The following ADGRL2 variants were observed in gnomAD, a reference collection of about 807,000 sequenced individuals.
ADGRL2 encodes the protein calcium-independent alpha-latrotoxin receptor 2.
Under a neutral mutation model 157.4 loss-of-function variants are expected in ADGRL2, and 44 were observed. The observed-to-expected ratio is 0.28, with a 90% CI of 0.22 to 0.36. The LOEUF (loss-of-function observed/expected upper bound fraction) is 0.36, where lower values mean the gene tolerates loss of function less well. ADGRL2 is among the 10% of genes least tolerant of loss of function. The probability of loss-of-function intolerance (pLI) is 1.00; values close to 1 mark genes in which losing one functional copy is unlikely to be tolerated. For synonymous variants in ADGRL2, 585 were observed against 624.7 expected, an observed-to-expected ratio of 0.94 and a Z score of 0.95; for missense variants, 1,510 against 1,768.9, an observed-to-expected ratio of 0.85 and a Z score of 2.63.
At chr1:81,449,166 G>C (rs137884309) in intron 2 of ADGRL2, among the ~76,000 whole-genome samples, 36 of 151,858 alleles carry the variant, frequency 2.4e-4, no homozygotes, top group African/African-American at 7.7e-4. Context: ...ATTATCCAGG[G>C]TCTGTGTAAT....
At chr1:81,799,963 G>A (rs1335413206), upstream of ADGRL2, among the ~76,000 whole-genome samples, 5 of 152,138 alleles carry the variant, frequency 3.3e-5, no homozygotes, top group African/African-American at 9.7e-5. Context: ...TTTCCAGCGT[G>A]ATTCGCCCTG....
rs1396532732 is a variant in ADGRL2 at position 81,947,170 on chromosome 1, G to C, written c.1211-3019G>C. 2.0e-5 allele frequency among the ~76,000 whole-genome samples: 3 copies of C among 152,076 alleles called. No individual in the cohort carries two copies. The East Asian group carries it at 5.8e-4, about 29-fold the overall frequency. Reference sequence around the variant, plus strand: ...ATAGAGCTCTATAAAAAAGGGTTTGGATTAGAGTCATAATTCTATTGTGAG... The same window carrying C: ...ATAGAGCTCTATAAAAAAGGGTTTGCATTAGAGTCATAATTCTATTGTGAG... On this transcript the variant is annotated intron_variant, in intron 6 of 23. Transcript: ENST00000686636.
At chr1:81,640,832 C>T (rs1181537810) in intron 3 of ADGRL2, among the ~76,000 whole-genome samples, 1 of 152,042 alleles carries the variant, frequency 6.6e-6, no homozygotes, top group African/African-American at 2.4e-5. Context: ...GCCGATTTCC[C>T]AGATAGGCCA....
At chr1:81,535,052 C>G (rs546281056) in intron 2 of ADGRL2, among the ~76,000 whole-genome samples, 15 of 152,272 alleles carry the variant, frequency 9.9e-5, no homozygotes, top group African/African-American at 3.6e-4. Flanking sequence ...TTTGGCATCT[C>G]TGGATGAGTC....
intron 1 of ADGRL2, among the ~76,000 whole-genome samples, chr1:81,821,698 C>T (rs1319851657): frequency 6.6e-6 from 1 of 152,096 alleles, no homozygotes; most frequent in Non-Finnish European, 1.5e-5. Context: ...AATGCCGGAA[C>T]AATTTCTTAT....
intron 1 of ADGRL2, among the ~76,000 whole-genome samples, chr1:81,441,415 TA>T (rs1418657065): frequency 6.6e-6 from 1 of 152,220 alleles, no homozygotes; most frequent in Non-Finnish European, 1.5e-5. Context: ...ACCTAATGTC[TA>T]ATATCCCCAT....
intron 1 of ADGRL2, among the ~76,000 whole-genome samples, chr1:81,816,693 C>T (rs35346051): frequency 0.16 from 25,045 of 151,796 alleles, 2,248 homozygotes; most frequent in East Asian, 0.26. Context: ...AAGATGTTTA[C>T]AGTACTTTCA....
chr1:81,322,180 A>G, intron 1 of ADGRL2, among the ~76,000 whole-genome samples: 1 of 149,786 alleles, frequency 6.7e-6, no homozygotes, highest in Middle Eastern at 3.5e-3. Flanking sequence ...ACATGTATAT[A>G]CATATACATA....
chr1:81,883,944 T>C (rs1444710060), intron 2 of ADGRL2, among the ~76,000 whole-genome samples: 1 of 151,996 alleles, frequency 6.6e-6, no homozygotes, highest in Non-Finnish European at 1.5e-5. Context: ...TATACTCAAG[T>C]GTTATGGATT....
intron 2 of ADGRL2, among the ~76,000 whole-genome samples, chr1:81,481,332 C>G (rs1285711800): frequency 6.6e-6 from 1 of 152,188 alleles, no homozygotes; most frequent in African/African-American, 2.4e-5. Flanking sequence ...ATGTTTCCCC[C>G]ACTTGGGTTA....
rs72715561 is a variant in ADGRL2, at chr1:81,473,793, T to C, written c.-248+28704T>C. Among the ~76,000 whole-genome samples, 186 of 152,060 alleles carry C rather than the reference T, an allele frequency of 1.2e-3. 1 individual carries two copies. Among genetic ancestry groups the C allele is most frequent in the Admixed American group, 2.8e-3 (43 of 15,274 alleles). The stretch of plus-strand genomic sequence containing the variant: ...GCAAGGGATGTGAGGTTTTTTTTTT[T>C]CCCACTTCAAGATAAACTTCAAAAG... On this transcript the variant is annotated intron_variant, in intron 2 of 24. Transcript: ENST00000370721.
At chr1:81,405,867 TATTTC>T (rs1395972345) in intron 1 of ADGRL2, among the ~76,000 whole-genome samples, 4 of 152,258 alleles carry the variant, frequency 2.6e-5, no homozygotes, top group Middle Eastern at 3.4e-3. Context: ...TTAAAAGGAA[TATTTC>T]ATTTCCTTTT....
chr1:81,425,270 G>A (rs1265030551), intron 1 of ADGRL2, among the ~76,000 whole-genome samples: 1 of 152,056 alleles, frequency 6.6e-6, no homozygotes, highest in African/African-American at 2.4e-5. Context: ...CCATGCATGT[G>A]TACACACACA....
chr1:81,434,326 T>A (rs2101635733), intron 1 of ADGRL2, among the ~76,000 whole-genome samples: 1 of 152,370 alleles, frequency 6.6e-6, no homozygotes, highest in East Asian at 1.9e-4. Context: ...AGTTACTTAT[T>A]ATTTTCTGGG....
chr1:81,492,055 A>C (rs1051503847), intron 2 of ADGRL2, among the ~76,000 whole-genome samples: 2 of 152,194 alleles, frequency 1.3e-5, no homozygotes, highest in African/African-American at 4.8e-5. Context: ...TTTTACATGA[A>C]AGGAAGAAAA....
chr1:81,702,732 A>T (rs1426467934), intron 1 of ADGRL2, among the ~76,000 whole-genome samples: 3 of 152,226 alleles, frequency 2.0e-5, no homozygotes, highest in South Asian at 2.1e-4. Context: ...AATATTTGTT[A>T]TATGGATTAC....
chr1:81,412,108 A>T (rs1370578527), intron 1 of ADGRL2, among the ~76,000 whole-genome samples: 2 of 152,134 alleles, frequency 1.3e-5, no homozygotes, highest in East Asian at 3.9e-4. Flanking sequence ...TACTCACTAT[A>T]AGATATACAG....
chr1:81,351,019 C>T (rs1232168379), intron 1 of ADGRL2, among the ~76,000 whole-genome samples: 2 of 151,966 alleles, frequency 1.3e-5, no homozygotes. Flanking sequence ...AACATATTTC[C>T]CACCCCACCA....
intron 1 of ADGRL2, among the ~76,000 whole-genome samples, chr1:81,430,324 G>A (rs2077297357): frequency 6.6e-6 from 1 of 152,220 alleles, no homozygotes; most frequent in Non-Finnish European, 1.5e-5. Flanking sequence ...AGAAGGGGAA[G>A]GTTTGTCCAC....
Sources: gnomAD v4.1 joint callset for allele counts (sites outside exome capture counted in the v4.1 genomes callset) on GRCh38, gnomAD v4.1.1 for gene constraint, MANE v1.5 for transcripts, NCBI Gene and HGNC (gene_info 2026-07-23, HGNC 2026-07-21) for gene names.